Variants in MYO1F observed in about 807,000 individuals in gnomAD.
MYO1F encodes myosin IF.
In MYO1F, 60 loss-of-function variants were observed where a neutral mutation model predicts 146.6. That is an observed-to-expected ratio of 0.41 (90% CI 0.33 to 0.51). The LOEUF is 0.51. Ranked by LOEUF, MYO1F falls within the 20% of genes least tolerant of loss-of-function variation. MYO1F has a pLI of 0.25. For missense variants in MYO1F, 1,274 were observed against 1,534.3 expected (o/e 0.83, Z 2.83); for synonymous variants, 602 against 602.1 (o/e 1.00, Z 0.00).
rs1973623551 is a variant in MYO1F, at chr19:8,551,816, T to C, written c.695A>G (p.Tyr232Cys). The change falls in exon 8 of 28, where the codon TAC becomes TGC. Residue 232 changes from tyrosine to cysteine, a missense_variant. Tyr to Cys is a radical substitution (Grantham distance 194). Around this residue, in one of 2 missense-constraint regions of MYO1F, gnomAD observed 900 missense variants for 1,155.1 expected, o/e 0.78. Coordinates refer to ENST00000644032, the MANE Select transcript of MYO1F (RefSeq NM_012335.4). ...GTCCGATTGGTTGAGGTAGTAATAG[T>C]AGTCCGGTGTCATGAGGCCCAGGTT... is the stretch of plus-strand genomic sequence containing the variant. ...RQNLGLMTPDYYYYLNQSDTY... is the reference protein window; with the variant it reads ...RQNLGLMTPDCYYYLNQSDTY... 1 of 1,614,024 alleles carries C rather than the reference T, an allele frequency of 6.2e-7. No individual in the cohort carries two copies. Among genetic ancestry groups the C allele is most frequent in the South Asian group, 1.1e-5 (1 of 91,084 alleles).
chr19:8,535,510 TCCTCCTGCCTCAGCCTCCCAA>T (rs1972666701), intron 19 of MYO1F, among the ~76,000 whole-genome samples: 1 of 152,100 alleles, frequency 6.6e-6, no homozygotes, highest in Non-Finnish European at 1.5e-5. Context: ...CTTCAAACCA[TCCTCCTGCCTCAGCCTCCCAA>T]AGCACTGATA....
In MYO1F at chr19:8,577,133, C is replaced by T. The variant is rs1475652537; in HGVS notation, c.3+174G>A. On this transcript the variant is annotated intron_variant, in intron 1 of 27. Coordinates refer to ENST00000644032, the MANE Select transcript of MYO1F (RefSeq NM_012335.4). This position sits in a 1 kb window ranked among gnomAD's most constrained non-coding sequence, Gnocchi z 4.3. ...CACCACCTACAGATGGGAGCTTGCT[C>T]CCTGGTAAGGGATGCTGGAGGCACC... 4 of 758,264 alleles carry T rather than the reference C, an allele frequency of 5.3e-6. No individual in the cohort carries two copies. The highest frequency in any genetic ancestry group is 4.2e-5 in the Admixed American group (2 of 47,964). The allele number at this position is 758,264 out of a possible 1,614,324, so 47.0% of individuals were successfully genotyped here.
intron 2 of MYO1F, 45 bp from the exon 3 acceptor site, chr19:8,554,788 C>A (rs754777569): frequency 6.4e-7 from 1 of 1,562,072 alleles, no homozygotes; most frequent in Admixed American, 1.7e-5. Flanking sequence ...TAGGTTTTGT[C>A]CTCCCTGTCC....
At chr19:8,554,437 C>T (rs767449603) in intron 4 of MYO1F, 40 bp downstream of exon 4, 3 of 1,535,332 alleles carry the variant, frequency 2.0e-6, no homozygotes, top group Non-Finnish European at 2.7e-6. Context: ...CAGCAGGGGC[C>T]CGGGCAGCAG....
Position 8,554,403 on chromosome 19 carries a change from A to G in MYO1F, c.326+74T>C, listed in dbSNP as rs1973754994. ...TGTTCAGATTGGGAGTTTCAGGCAA[A>G]CCTCCCTGGGGGTGGTGATGTTTCA... On this transcript the variant is annotated intron_variant, in intron 4 of 27. Transcript: ENST00000644032. 7 of 1,313,464 alleles carry G rather than the reference A, an allele frequency of 5.3e-6. No individual in the cohort carries two copies. In the South Asian group the frequency reaches 5.9e-5, roughly 11 times the overall value. 81.4% of individuals were successfully genotyped at this position (1,313,464 alleles called of 1,614,324 possible).
Position 8,551,789 on chromosome 19 carries a change from G to T in MYO1F, c.722C>A (p.Thr241Asn). 1.2e-6 allele frequency: 2 copies of T among 1,614,158 alleles called. No individual in the cohort carries two copies. The highest frequency in any genetic ancestry group is 1.7e-6 in the Non-Finnish European group (2 of 1,180,036). ...GTCGTCCGTGCCGTCCACCTGGTAG[G>T]TGTCCGATTGGTTGAGGTAGTAATA... is the stretch of plus-strand genomic sequence containing the variant. ...DYYYYLNQSD[T>N]YQVDGTDDRS... The change falls in exon 8 of 28, where the codon ACC becomes AAC. Residue 241 changes from threonine to asparagine, a missense_variant. Transcript: ENST00000644032.
At chr19:8,538,655 A>G (rs1165443980) in intron 16 of MYO1F, among the ~76,000 whole-genome samples, 1 of 143,274 alleles carries the variant, frequency 7.0e-6, no homozygotes, top group African/African-American at 2.6e-5. Flanking sequence ...GGGTGCAATC[A>G]TGGTTCACTG....
chr19:8,561,117 C>G (rs1974081725), intron 1 of MYO1F, among the ~76,000 whole-genome samples: 1 of 152,080 alleles, frequency 6.6e-6, no homozygotes, highest in Admixed American at 6.6e-5. Flanking sequence ...CTCCTGGGCT[C>G]AAGTGATCCT....
intron 14 of MYO1F, among the ~76,000 whole-genome samples, 196 bp from the exon 15 acceptor site, chr19:8,542,187 A>G (rs1053333548): frequency 1.4e-4 from 21 of 149,098 alleles, no homozygotes; most frequent in Non-Finnish European, 1.5e-5. Context: ...CTTCCTGGAG[A>G]GCTGATGTTC....
intron 19 of MYO1F, among the ~76,000 whole-genome samples, chr19:8,533,958 G>C (rs563656019): frequency 6.6e-5 from 10 of 152,208 alleles, no homozygotes; most frequent in Admixed American, 5.2e-4. Flanking sequence ...GCTGAGGTGG[G>C]CAGATCACTT....
At chr19:8,531,697 A>C (rs1278120757) in intron 19 of MYO1F, among the ~76,000 whole-genome samples, 1 of 152,236 alleles carries the variant, frequency 6.6e-6, no homozygotes, top group Non-Finnish European at 1.5e-5. Context: ...GTGCTTTTGC[A>C]AGAAACGGTA....
rs781673145 is a variant in MYO1F at position 8,554,583 on chromosome 19, G to T, written c.232-12C>A. ...TTCTCATACTGGGCCTGGCAGGGGA[G>T]GTCAGGTCTCAGCCCAGGGCTGGGG... On this transcript the variant is annotated splice_polypyrimidine_tract_variant and intron_variant, in intron 3 of 27. Transcript: ENST00000644032. The T allele has an allele frequency of 1.2e-6, 2 of 1,611,980 alleles. No homozygotes were observed. The highest frequency in any genetic ancestry group is 1.7e-6 in the Non-Finnish European group (2 of 1,178,104).
chr19:8,544,006 C>T (rs542410879), intron 14 of MYO1F: 67 of 169,084 alleles, frequency 4.0e-4, no homozygotes, highest in Middle Eastern at 3.0e-3. Flanking sequence ...CTGGTGGTGG[C>T]GGTGGCGGTG....
intron 12 of MYO1F, among the ~76,000 whole-genome samples, chr19:8,547,440 C>T (rs1973412694): frequency 6.6e-6 from 1 of 151,210 alleles, no homozygotes; most frequent in Non-Finnish European, 1.5e-5. Flanking sequence ...CCTGTCTCTA[C>T]TAAAAATACA....
chr19:8,552,197 T>C (rs748962074), intron 6 of MYO1F, 33 bp from the exon 7 acceptor site: 7 of 1,611,710 alleles, frequency 4.3e-6, no homozygotes, highest in Non-Finnish European at 5.9e-6. Context: ...AGCACCCCAG[T>C]GTCCTGGGGT....
chr19:8,571,833 A>G (rs1246338918), intron 1 of MYO1F, among the ~76,000 whole-genome samples: 8 of 150,700 alleles, frequency 5.3e-5, no homozygotes, highest in African/African-American at 2.0e-4. Context: ...TCCTGACCTC[A>G]TGATCTGCCC....
At chr19:8,549,374 G>T (rs1431911465) in intron 10 of MYO1F, 2 of 151,300 alleles carry the variant, frequency 1.3e-5, no homozygotes, top group African/African-American at 4.9e-5. Context: ...TGGGGTCAGG[G>T]ATTCTTCCAC....
At chr19:8,541,549 C>T (rs1420324238) in intron 15 of MYO1F, among the ~76,000 whole-genome samples, 1 of 151,268 alleles carries the variant, frequency 6.6e-6, no homozygotes, top group Non-Finnish European at 1.5e-5. Context: ...ATGCTTCCAC[C>T]TCCTGAGTAG....
In MYO1F at chr19:8,551,814, A is replaced by G. The variant is rs768396313; in HGVS notation, c.697T>C (p.Tyr233His). The G allele has an allele frequency of 8.1e-6, 13 of 1,613,982 alleles. No individual in the cohort carries two copies. Among genetic ancestry groups the G allele is most frequent in the Non-Finnish European group, 1.1e-5 (13 of 1,180,012 alleles). ...GTGTCCGATTGGTTGAGGTAGTAAT[A>G]GTAGTCCGGTGTCATGAGGCCCAGG... The part of the protein sequence containing the change: ...QNLGLMTPDY[Y>H]YYLNQSDTYQ... The change falls in exon 8 of 28, where the codon TAT becomes CAT. Residue 233 changes from tyrosine to histidine, a missense_variant. By Grantham distance (83) the Tyr-to-His change is moderately conservative. Transcript: ENST00000644032.
Sources: allele counts gnomAD v4.1 joint callset (sites outside exome capture counted in the v4.1 genomes callset), GRCh38; gene constraint gnomAD v4.1.1; regional missense constraint gnomAD v4.1.1; non-coding constraint Gnocchi (gnomAD v3.1); transcripts MANE v1.5; gene names NCBI Gene and HGNC (gene_info 2026-07-23, HGNC 2026-07-21).